The following DLGAP1 variants were observed in gnomAD, a reference collection of about 807,000 sequenced individuals.
DLGAP1 encodes the protein disks large-associated protein 1.
DLGAP1 carries 11 observed loss-of-function variants against 90.8 expected under a neutral mutation model. That is an observed-to-expected ratio of 0.12 (90% CI 0.08 to 0.20). The LOEUF (loss-of-function observed/expected upper bound fraction) is 0.20. Among genes scored for constraint, DLGAP1 ranks in the 10% least tolerant of loss-of-function variants. The pLI, the probability that DLGAP1 is intolerant of heterozygous loss-of-function variation, is 1.00. For synonymous variants in DLGAP1, 558 were observed against 540.7 expected, an observed-to-expected ratio of 1.03 and a Z score of -0.44; for missense variants, 1,050 against 1,333.8, an observed-to-expected ratio of 0.79 and a Z score of 3.31.
At chr18:3,954,503 A>G (rs1364707092) in intron 3 of DLGAP1, among the ~76,000 whole-genome samples, 2 of 152,244 alleles carry the variant, frequency 1.3e-5, no homozygotes, top group Admixed American at 1.3e-4. Context: ...AAAATAATAA[A>G]ACTATTTCAC....
intron 1 of DLGAP1, among the ~76,000 whole-genome samples, chr18:4,362,127 G>A (rs2081643697): frequency 6.6e-6 from 1 of 152,156 alleles, no homozygotes; most frequent in South Asian, 2.1e-4. Flanking sequence ...CTTGTACACT[G>A]TTGGTGGGAA....
At chr18:3,979,694 C>T (rs771785597) in intron 3 of DLGAP1, among the ~76,000 whole-genome samples, 4 of 152,128 alleles carry the variant, frequency 2.6e-5, no homozygotes, top group Non-Finnish European at 5.9e-5. Context: ...TGCTAAAATA[C>T]ATTTTTAATG....
At chr18:3,663,636 G>A (rs948296287) in intron 7 of DLGAP1, among the ~76,000 whole-genome samples, 2 of 152,204 alleles carry the variant, frequency 1.3e-5, no homozygotes, top group Admixed American at 6.5e-5. Context: ...AAGCCGCAAG[G>A]CTGGAGGTGC....
chr18:4,409,679 T>A (rs1335487804), intron 1 of DLGAP1, among the ~76,000 whole-genome samples: 1 of 152,178 alleles, frequency 6.6e-6, no homozygotes, highest in African/African-American at 2.4e-5. Flanking sequence ...GTGATGTTGA[T>A]AATTTTTTCA....
At chr18:3,665,144 T>G (rs1368879757) in intron 7 of DLGAP1, among the ~76,000 whole-genome samples, 1 of 152,182 alleles carries the variant, frequency 6.6e-6, no homozygotes, top group African/African-American at 2.4e-5. Flanking sequence ...CATTTATGTC[T>G]TTAGTTGGAA....
chr18:3,788,596 G>T (rs571204579), intron 5 of DLGAP1, among the ~76,000 whole-genome samples: 5 of 152,260 alleles, frequency 3.3e-5, no homozygotes, highest in Non-Finnish European at 7.4e-5. Context: ...TTGCTCTTTG[G>T]GTTAAGTAGC....
chr18:4,325,095 T>C (rs12957311), intron 1 of DLGAP1, among the ~76,000 whole-genome samples: 8,678 of 152,238 alleles, frequency 0.057, 346 homozygotes, highest in African/African-American at 0.11. Context: ...GATAACATGA[T>C]TCTATATCTA....
chr18:3,699,691 A>C (rs1411784468), intron 7 of DLGAP1, among the ~76,000 whole-genome samples: 2 of 152,196 alleles, frequency 1.3e-5, no homozygotes, highest in Non-Finnish European at 2.9e-5. Flanking sequence ...TGCTCTCTTC[A>C]GAGCTGTCAG....
At chr18:3,638,747 T>G (rs887145226) in intron 7 of DLGAP1, among the ~76,000 whole-genome samples, 3 of 152,350 alleles carry the variant, frequency 2.0e-5, no homozygotes, top group Admixed American at 6.5e-5. Context: ...CATTATGTGC[T>G]TTCTGTTTTT....
chr18:3,663,636 G>T (rs948296287), intron 7 of DLGAP1, among the ~76,000 whole-genome samples: 14 of 152,204 alleles, frequency 9.2e-5, no homozygotes, highest in African/African-American at 3.4e-4. Context: ...AAGCCGCAAG[G>T]CTGGAGGTGC....
At chr18:4,331,239 CTG>C (rs1318386716) in intron 1 of DLGAP1, among the ~76,000 whole-genome samples, 10 of 151,794 alleles carry the variant, frequency 6.6e-5, no homozygotes, top group African/African-American at 2.2e-4. Context: ...TATCACGGGA[CTG>C]TGTTTTCTCC....
chr18:3,500,270 TA>T (rs1268246089), intron 12 of DLGAP1, among the ~76,000 whole-genome samples: 1 of 151,750 alleles, frequency 6.6e-6, no homozygotes, highest in African/African-American at 2.4e-5. Context: ...TCTTTGGCAT[TA>T]AAAAAAATGC....
intron 5 of DLGAP1, among the ~76,000 whole-genome samples, chr18:3,795,709 C>T (rs1351558461): frequency 5.9e-5 from 9 of 152,130 alleles, no homozygotes. Context: ...ACTCCCAACT[C>T]CTGGGCCCAT....
At chr18:3,513,367 T>G (rs1271032066) in intron 10 of DLGAP1, among the ~76,000 whole-genome samples, 4 of 152,246 alleles carry the variant, frequency 2.6e-5, no homozygotes, top group Non-Finnish European at 5.9e-5. Flanking sequence ...GGCATGAACA[T>G]GGGGTCCTAT....
At chr18:3,975,339 T>A (rs2073547820) in intron 3 of DLGAP1, among the ~76,000 whole-genome samples, 1 of 152,046 alleles carries the variant, frequency 6.6e-6, no homozygotes, top group Admixed American at 6.6e-5. Context: ...GGCCCATCAA[T>A]ACATGAAAAG....
chr18:4,438,580 A>G (rs937045616), intron 1 of DLGAP1, among the ~76,000 whole-genome samples: 3 of 150,752 alleles, frequency 2.0e-5, no homozygotes, highest in Admixed American at 2.0e-4. Flanking sequence ...TTTCTTCATC[A>G]CTTTTATTAA....
chr18:4,371,762 G>C (rs2081921230), intron 1 of DLGAP1, among the ~76,000 whole-genome samples: 1 of 152,178 alleles, frequency 6.6e-6, no homozygotes, highest in Non-Finnish European at 1.5e-5. Context: ...GGCAAAGTCA[G>C]CTTTCTGAAT....
At chr18:4,223,815 G>C (rs2078129591) in intron 1 of DLGAP1, among the ~76,000 whole-genome samples, 1 of 152,130 alleles carries the variant, frequency 6.6e-6, no homozygotes, top group Non-Finnish European at 1.5e-5. Context: ...ACAGAGAACA[G>C]AGAAGTAGTC....
intron 2 of DLGAP1, among the ~76,000 whole-genome samples, chr18:4,123,112 A>G (rs553298050): frequency 6.6e-6 from 1 of 152,204 alleles, no homozygotes; most frequent in African/African-American, 2.4e-5. Context: ...TTGGAAACTT[A>G]GTATCCTTCC....
Sources: allele counts gnomAD v4.1 joint callset (sites outside exome capture counted in the v4.1 genomes callset), GRCh38; gene constraint gnomAD v4.1.1; transcripts MANE v1.5; gene names NCBI Gene and HGNC (gene_info 2026-07-23, HGNC 2026-07-21).